The following PIK3C2A variants were observed in gnomAD, a reference collection of about 807,000 sequenced individuals.
PIK3C2A encodes the protein phosphatidylinositol-4-phosphate 3-kinase catalytic subunit type 2 alpha.
Under a neutral mutation model 204.5 loss-of-function variants are expected in PIK3C2A, and 97 were observed. The observed-to-expected ratio is 0.47, with a 90% CI of 0.40 to 0.56. PIK3C2A has a LOEUF of 0.56. PIK3C2A is among the 20% of genes least tolerant of loss of function. The pLI is 0.00. For missense variants in PIK3C2A, 1,735 were observed against 1,969.2 expected, an observed-to-expected ratio of 0.88 and a Z score of 2.25; for synonymous variants, 653 against 664.4, an observed-to-expected ratio of 0.98 and a Z score of 0.26.
Position 17,092,086 on chromosome 11 carries a change from G to A in PIK3C2A, c.4570-18C>T. The A allele has an allele frequency of 6.4e-7, 1 of 1,571,440 alleles. No individual in the cohort carries two copies. The highest frequency in any genetic ancestry group is 2.2e-5 in the East Asian group (1 of 44,614). On this transcript the variant is annotated intron_variant, in intron 29 of 32. Transcript: ENST00000691414. ...AGATCACACTAAGAATAAAGAGAAA[G>A]CAATTCATTAGTTTAAATATTATGT... is the stretch of plus-strand genomic sequence containing the variant.
intron 28 of PIK3C2A, 73 bp from the exon 29 acceptor site, chr11:17,092,349 T>C: frequency 3.9e-6 from 3 of 767,840 alleles, no homozygotes; most frequent in South Asian, 3.0e-5. Flanking sequence ...CTTTTTCATA[T>C]ATACTTAAAG....
At chr11:17,183,990 T>C (rs1851658664) in intron 1 of PIK3C2A, among the ~76,000 whole-genome samples, 1 of 151,512 alleles carries the variant, frequency 6.6e-6, no homozygotes, top group South Asian at 2.1e-4. Context: ...CCTGCAATTC[T>C]AGCCACTCAA....
chr11:17,166,097 T>C (rs1312858640), intron 2 of PIK3C2A, among the ~76,000 whole-genome samples: 1 of 152,174 alleles, frequency 6.6e-6, no homozygotes, highest in Non-Finnish European at 1.5e-5. Flanking sequence ...ATTTAATTAA[T>C]TGCAATACCA....
intron 1 of PIK3C2A, among the ~76,000 whole-genome samples, chr11:17,182,715 G>C (rs971820217): frequency 6.6e-6 from 1 of 152,128 alleles, no homozygotes; most frequent in African/African-American, 2.4e-5. Context: ...TAAGAGACAT[G>C]GGGAAAGGAT....
At chr11:17,093,934 T>C (rs115731141) in intron 28 of PIK3C2A, among the ~76,000 whole-genome samples, 1 of 152,130 alleles carries the variant, frequency 6.6e-6, no homozygotes, top group Admixed American at 6.6e-5. Flanking sequence ...CCACCACACC[T>C]GGCAGGATAT....
chr11:17,103,811 C>T (rs1392854329), intron 23 of PIK3C2A, among the ~76,000 whole-genome samples: 1 of 152,188 alleles, frequency 6.6e-6, no homozygotes, highest in Non-Finnish European at 1.5e-5. Flanking sequence ...TTCCCTCTTA[C>T]TTATTAAATC....
chr11:17,168,398 A>G (rs1241619373), intron 2 of PIK3C2A, among the ~76,000 whole-genome samples: 1 of 152,076 alleles, frequency 6.6e-6, no homozygotes, highest in Non-Finnish European at 1.5e-5. Context: ...TTGCTAACAC[A>G]GTGAAACCCC....
At chr11:17,192,936 G>A (rs1223517620) in intron 1 of PIK3C2A, among the ~76,000 whole-genome samples, 4 of 152,260 alleles carry the variant, frequency 2.6e-5, no homozygotes, top group African/African-American at 9.6e-5. Flanking sequence ...ACCTTTAAGA[G>A]ATGATTAGGC....
intron 1 of PIK3C2A, among the ~76,000 whole-genome samples, chr11:17,180,952 C>T (rs960574447): frequency 2.6e-5 from 4 of 152,164 alleles, no homozygotes; most frequent in Admixed American, 2.0e-4. Flanking sequence ...TTACTTATTA[C>T]TGACTTATTA....
chr11:17,092,501 T>C (rs534148511), intron 28 of PIK3C2A, among the ~76,000 whole-genome samples: 3 of 152,140 alleles, frequency 2.0e-5, no homozygotes, highest in African/African-American at 4.8e-5. Context: ...ACCCTGTCTC[T>C]ACTAAAAATA....
chr11:17,141,591 A>G (rs530266262), intron 8 of PIK3C2A, among the ~76,000 whole-genome samples: 3 of 152,358 alleles, frequency 2.0e-5, no homozygotes, highest in Non-Finnish European at 4.4e-5. Flanking sequence ...AGACATTAAC[A>G]CTGGTATATT....
At chr11:17,181,809 T>C (rs532430209) in intron 1 of PIK3C2A, among the ~76,000 whole-genome samples, 1 of 151,766 alleles carries the variant, frequency 6.6e-6, no homozygotes, top group Non-Finnish European at 1.5e-5. Flanking sequence ...AAAGTTAGAA[T>C]AGCCGGGCAC....
intron 18 of PIK3C2A, among the ~76,000 whole-genome samples, chr11:17,118,009 G>A (rs1161460184): frequency 2.6e-5 from 4 of 151,558 alleles, no homozygotes; most frequent in Non-Finnish European, 4.4e-5. Flanking sequence ...CACCATGCCC[G>A]GCCATGTTAG....
intron 22 of PIK3C2A, among the ~76,000 whole-genome samples, chr11:17,108,545 G>C (rs1246971787): frequency 6.6e-6 from 1 of 152,162 alleles, no homozygotes; most frequent in East Asian, 1.9e-4. Context: ...GAGCCCAGGA[G>C]TTTGAGGCTG....
intron 15 of PIK3C2A, among the ~76,000 whole-genome samples, chr11:17,121,556 CA>C (rs1280617569): frequency 5.9e-5 from 9 of 152,136 alleles, no homozygotes; most frequent in African/African-American, 2.2e-4. Flanking sequence ...TAGATTTTGC[CA>C]AATTGCTCTC....
At chr11:17,090,275 C>G (rs908975068) in intron 32 of PIK3C2A, among the ~76,000 whole-genome samples, 4 of 152,192 alleles carry the variant, frequency 2.6e-5, no homozygotes, top group Admixed American at 2.6e-4. Flanking sequence ...TTACAACTAG[C>G]CTGACCAACA....
At chr11:17,115,495 C>G (rs1240204070) in intron 19 of PIK3C2A, among the ~76,000 whole-genome samples, 1 of 144,732 alleles carries the variant, frequency 6.9e-6, no homozygotes, top group Non-Finnish European at 1.5e-5. Context: ...GAATTGTGAT[C>G]ACACCACTGC....
rs1482146787 is a variant in PIK3C2A at position 17,200,276 on chromosome 11, A to AG, written c.-66+7571dup. ...AACAAACTTAATTCTAGAACCTTGC[A>AG]GGTTTGACCATTAGCAAAAATTAGT... On this transcript the variant is annotated intron_variant, in intron 1 of 32. Coordinates refer to ENST00000691414, the MANE Select transcript of PIK3C2A (RefSeq NM_002645.4). Among the ~76,000 whole-genome samples the AG allele has an allele frequency of 6.6e-5, 10 of 152,290 alleles. No homozygotes were observed. The East Asian group carries it at 1.7e-3, about 26-fold the overall frequency.
intron 28 of PIK3C2A, among the ~76,000 whole-genome samples, chr11:17,093,621 A>G (rs1848371963): frequency 7.2e-6 from 1 of 138,366 alleles, no homozygotes; most frequent in African/African-American, 2.7e-5. Flanking sequence ...TTATTTCTAC[A>G]CTGATTTAGC....
Sources: allele counts gnomAD v4.1 joint callset (sites outside exome capture counted in the v4.1 genomes callset), GRCh38; gene constraint gnomAD v4.1.1; transcripts MANE v1.5; gene names NCBI Gene and HGNC (gene_info 2026-07-23, HGNC 2026-07-21).